Variants in RRBP1 observed in about 807,000 individuals in gnomAD.
The protein encoded by RRBP1 is ribosome binding protein 1, also known as ribosome-binding protein 1.
In RRBP1, 94 loss-of-function variants were observed where a neutral mutation model predicts 165.2. That is an observed-to-expected ratio of 0.57 (90% CI 0.48 to 0.68). The LOEUF is 0.68. Ranked by LOEUF, RRBP1 falls within the 30% of genes least tolerant of loss-of-function variation. The probability of loss-of-function intolerance (pLI) is 0.00; values close to 1 mark genes in which losing one functional copy is unlikely to be tolerated. For synonymous variants in RRBP1, 680 were observed against 714.5 expected (o/e 0.95, Z 0.77); for missense variants, 1,676 against 1,763.0 (o/e 0.95, Z 0.88).
Position 17,615,335 on chromosome 20 carries a change from C to T in RRBP1, c.4050+96G>A, listed in dbSNP as rs143451696. The T allele has an allele frequency of 1.2e-3, 1,149 of 981,752 alleles. 11 individuals carry two copies. The African/African-American group carries it at 0.017, about 15-fold the overall frequency. 60.8% of individuals were successfully genotyped at this position (981,752 alleles called of 1,614,324 possible). On this transcript the variant is annotated intron_variant, in intron 23 of 24. Transcript: ENST00000377813. ...TGCCAAGGGCAGGTCCCGGTGGGGT[C>T]GGCTCTCCCCTTCCTGGCCCCTTTC...
chr20:17,614,149 T>C lies in RRBP1; in HGVS notation c.*33A>G, dbSNP rs2035744409. 4.3e-6 allele frequency: 7 copies of C among 1,610,906 alleles called. No individual in the cohort carries two copies. The East Asian group carries it at 6.7e-5, about 15-fold the overall frequency. On this transcript the variant is annotated 3_prime_UTR_variant, in exon 25 of 25. Transcript: ENST00000377813. The stretch of plus-strand genomic sequence containing the variant: ...GGAATGTGTAAGGCATTTTGGTAAG[T>C]TGAACAGTAACTTCTTTTTCCAAAG...
chr20:17,628,045 G>A lies in RRBP1; in HGVS notation c.2750-363C>T, dbSNP rs558097601. 6.6e-5 allele frequency among the ~76,000 whole-genome samples: 10 copies of A among 152,116 alleles called. No individual in the cohort carries two copies. The South Asian group carries it at 2.1e-3, about 32-fold the overall frequency. On this transcript the variant is annotated intron_variant, in intron 9 of 24. Coordinates refer to ENST00000377813, the MANE Select transcript of RRBP1 (RefSeq NM_001365613.2). ...AAGTTCCTTAGAAAGTGGCTAGGTG[G>A]ACCCCACTGCCACACCTCCCCCACC...
chr20:17,638,225 C>T (rs1199386858), intron 5 of RRBP1, among the ~76,000 whole-genome samples: 2 of 152,238 alleles, frequency 1.3e-5, no homozygotes, highest in African/African-American at 4.8e-5. Flanking sequence ...TGGAAGCCTC[C>T]CAACACCAGC....
At chr20:17,622,287 C>T (rs12480119) in intron 13 of RRBP1, among the ~76,000 whole-genome samples, 26,403 of 152,040 alleles carry the variant, frequency 0.17, 2,836 homozygotes, top group East Asian at 0.49. Context: ...GGCATGTGTG[C>T]ATGTGTGGGG....
rs536524773 is a variant in RRBP1, at chr20:17,634,838, G to C, written c.2456+708C>G. ...AGGCAGCTGCTGGATCTCACTCCAC[G>C]TCAGAGGGAGCCATAGTCAAAACAG... is the stretch of plus-strand genomic sequence containing the variant. On this transcript the variant is annotated intron_variant, in intron 7 of 24. Transcript: ENST00000377813. Among the ~76,000 whole-genome samples the C allele has an allele frequency of 3.9e-5, 6 of 152,308 alleles. No individual in the cohort carries two copies. The East Asian group carries it at 1.2e-3, about 29-fold the overall frequency.
Position 17,658,631 on chromosome 20 carries a change from T to A in RRBP1, c.1877A>T (p.Lys626Met), listed in dbSNP as rs148302482. 1 of 1,607,406 alleles carries A rather than the reference T, an allele frequency of 6.2e-7. No homozygotes were observed. Among genetic ancestry groups the A allele is most frequent in the Non-Finnish European group, 8.5e-7 (1 of 1,177,528 alleles). The change falls in exon 3 of 25, where the codon AAG becomes ATG. Residue 626 changes from lysine (K) to methionine (M), a missense_variant. Transcript: ENST00000377813. ...PEAPKQEAPA[K>M]KKSGSKKKGE... ...TTTTTTCTTTGAACCAGACTTCTTC[T>A]TGGCAGGAGCCTCTTGCTTTGGTGC...
At chr20:17,627,926 C>T (rs981580045) in intron 9 of RRBP1, among the ~76,000 whole-genome samples, 2 of 152,186 alleles carry the variant, frequency 1.3e-5, no homozygotes, top group East Asian at 3.9e-4. Flanking sequence ...GCTCTCAGGA[C>T]ACTCATGAGA....
rs537511276 is a variant in RRBP1, at chr20:17,640,492, C to T, written c.2184+1305G>A. Among the ~76,000 whole-genome samples the T allele has an allele frequency of 6.6e-5, 10 of 152,256 alleles. No homozygotes were observed. In the South Asian group the frequency reaches 1.5e-3, roughly 22 times the overall value. Reference sequence around the variant, plus strand: ...CAGACTTAGGTCTGAAGATTAGGGGCCCCTGGCAGAGCTTGATGGGGGTCC... The same window carrying T: ...CAGACTTAGGTCTGAAGATTAGGGGTCCCTGGCAGAGCTTGATGGGGGTCC... On this transcript the variant is annotated intron_variant, in intron 5 of 24. Transcript: ENST00000377813.
At chr20:17,635,859 TC>T (rs527582204) in intron 6 of RRBP1, among the ~76,000 whole-genome samples, 195 bp from the exon 7 acceptor site, 187 of 152,198 alleles carry the variant, frequency 1.2e-3, no homozygotes, top group South Asian at 9.1e-3. Flanking sequence ...CAAGCATGAC[TC>T]CCACACCCAG....
Position 17,636,563 on chromosome 20 carries a change from G to T in RRBP1, c.2337+14C>A. 6.2e-7 allele frequency: 1 copy of T among 1,609,306 alleles called. No individual in the cohort carries two copies. On this transcript the variant is annotated intron_variant, in intron 6 of 24. Coordinates refer to ENST00000377813, the MANE Select transcript of RRBP1 (RefSeq NM_001365613.2). ...CCTGTCCCTTCCCATGCCCCCGCCA[G>T]CCACTACACCCACCTTGCCCTGCAG...
At chr20:17,619,425 G>T in intron 19 of RRBP1, 1 of 468,160 alleles carries the variant, frequency 2.1e-6, no homozygotes. Flanking sequence ...TCCTGGCTGG[G>T]AGGCTGCCTT....
In RRBP1 at chr20:17,620,802, G is replaced by A. The variant is rs778888813; in HGVS notation, c.3420C>T (p.Gly1140=). The A allele has an allele frequency of 1.7e-5, 28 of 1,605,220 alleles. No individual in the cohort carries two copies. The highest frequency in any genetic ancestry group is 2.3e-5 in the Non-Finnish European group (27 of 1,177,760). The change falls in exon 17 of 25, where the codon GGC becomes GGT. Residue 1140 remains glycine (G), a synonymous_variant. Coordinates refer to ENST00000377813, the MANE Select transcript of RRBP1 (RefSeq NM_001365613.2). The stretch of plus-strand genomic sequence containing the variant: ...CGCTCTTCTGCAGGTCTCTGAGCAT[G>A]CCCTCCTGGGGGGAAACCGAGGTGA... The part of the protein sequence containing the change: ...QYRSILAETE[G]MLRDLQKSVE...
intron 5 of RRBP1, 136 bp from the exon 6 acceptor site, chr20:17,636,865 C>T: frequency 4.5e-6 from 5 of 1,100,104 alleles, no homozygotes; most frequent in Non-Finnish European, 6.5e-6. Context: ...GGGTTCTCAG[C>T]TAGACTCAAG....
At chr20:17,639,259 G>A (rs775535674) in intron 5 of RRBP1, among the ~76,000 whole-genome samples, 1 of 152,240 alleles carries the variant, frequency 6.6e-6, no homozygotes, top group Non-Finnish European at 1.5e-5. Context: ...TGCAGACAGT[G>A]TGTGGACTGG....
Position 17,660,372 on chromosome 20 carries a change from G to GCCAT in RRBP1, c.135_136insATGG (p.Arg46MetfsTer36). On this transcript the variant is annotated frameshift_variant, in exon 3 of 25. Transcript: ENST00000377813. LOFTEE classifies it high-confidence loss of function. ...TGGTGAGTTTTCGCCATCTCCTTGC[G>GCCAT]CTGGTTGGCTAGGGCTTCTTCATAT... The GCCAT allele has an allele frequency of 6.2e-7, 1 of 1,613,800 alleles. No homozygotes were observed. Among genetic ancestry groups the GCCAT allele is most frequent in the Non-Finnish European group, 8.5e-7 (1 of 1,179,982 alleles).
chr20:17,656,773 G>C (rs541643879), intron 3 of RRBP1, among the ~76,000 whole-genome samples: 1 of 152,260 alleles, frequency 6.6e-6, no homozygotes, highest in South Asian at 2.1e-4. Context: ...AAGAAAGTTT[G>C]GCTGGAATAA....
intron 20 of RRBP1, among the ~76,000 whole-genome samples, chr20:17,617,272 G>T (rs1483120479): frequency 6.6e-6 from 1 of 152,208 alleles, no homozygotes; most frequent in Non-Finnish European, 1.5e-5. Context: ...GCCTAACAAG[G>T]TCCCCCACCC....
At position 17,615,422 on chromosome 20, in the gene RRBP1, CCT is replaced by C; in HGVS notation, c.4050+7_4050+8del. ...TCCAGGTGTGACCCCCGCCCCAGCC[CCT>C]GCCTGCCTTCAGCTGTGAGGCCTCC... is the stretch of plus-strand genomic sequence containing the variant. On this transcript the variant is annotated splice_region_variant and intron_variant, in intron 23 of 24. Coordinates refer to ENST00000377813, the MANE Select transcript of RRBP1 (RefSeq NM_001365613.2). 6.2e-7 allele frequency: 1 copy of C among 1,604,556 alleles called. No individual in the cohort carries two copies. Among genetic ancestry groups the C allele is most frequent in the Admixed American group, 1.7e-5 (1 of 58,880 alleles).
At chr20:17,614,959 C>A (rs567203598) in intron 23 of RRBP1, 79 bp from the exon 24 acceptor site, 18 of 1,510,746 alleles carry the variant, frequency 1.2e-5, no homozygotes, top group Non-Finnish European at 1.6e-5. Flanking sequence ...AGGACCCTGA[C>A]GCCAGGGGCT....
Sources: allele counts gnomAD v4.1 joint callset (sites outside exome capture counted in the v4.1 genomes callset), GRCh38; gene constraint gnomAD v4.1.1; transcripts MANE v1.5; gene names NCBI Gene and HGNC (gene_info 2026-07-23, HGNC 2026-07-21).